Variants in PRCP observed in about 807,000 individuals in gnomAD.
PRCP encodes the protein prolylcarboxypeptidase.
In PRCP, 46 loss-of-function variants were observed where a neutral mutation model predicts 54.2. The ratio of observed to expected loss-of-function variants is 0.85; its 90% CI spans 0.67 to 1.09. The LOEUF (loss-of-function observed/expected upper bound fraction) is 1.09, where lower values mean the gene tolerates loss of function less well. Ranked by LOEUF, PRCP falls within the 50% of genes least tolerant of loss-of-function variation. The pLI is 0.00. For missense variants in PRCP, 613 were observed against 596.8 expected (o/e 1.03, Z -0.28); for synonymous variants, 240 against 212.2 (o/e 1.13, Z -1.14).
intron 1 of PRCP, among the ~76,000 whole-genome samples, chr11:82,897,042 G>A (rs1468425861): frequency 6.6e-6 from 1 of 152,176 alleles, no homozygotes; most frequent in African/African-American, 2.4e-5. Context: ...GAGGTACAAG[G>A]TAATAAGCAT....
intron 1 of PRCP, among the ~76,000 whole-genome samples, chr11:82,866,376 C>T (rs1859335805): frequency 6.6e-6 from 1 of 152,168 alleles, no homozygotes; most frequent in Non-Finnish European, 1.5e-5. Context: ...TGGAAGTCCT[C>T]TCAGAGATAT....
rs750770112 is a variant in PRCP at position 82,853,217 on chromosome 11, T to C, written c.371A>G (p.Tyr124Cys). The C allele has an allele frequency of 2.5e-6, 4 of 1,612,862 alleles. No homozygotes were observed. The highest frequency in any genetic ancestry group is 1.6e-4 in the Middle Eastern group (1 of 6,078). Residue 124 changes from tyrosine (Y) to cysteine (C), a missense_variant, in exon 3 of 9, where the codon TAC becomes TGC. Transcript: ENST00000313010. ...ACCAAAGGGGAGAGACTCTCCATAG[T>C]ATCGATGTTCAGCAAACACCAACAT... ...KAMLVFAEHR[Y>C]YGESLPFGDN...
chr11:82,888,984 T>C (rs1485622287), intron 1 of PRCP, among the ~76,000 whole-genome samples: 1 of 152,166 alleles, frequency 6.6e-6, no homozygotes, highest in Non-Finnish European at 1.5e-5. Context: ...TAAAAGATTA[T>C]ATATAACACA....
At chr11:82,877,000 T>G (rs929475975) in intron 1 of PRCP, among the ~76,000 whole-genome samples, 2 of 152,294 alleles carry the variant, frequency 1.3e-5, no homozygotes, top group Admixed American at 1.3e-4. Context: ...GATAGTGATA[T>G]GAACAACAAG....
chr11:82,827,249 A>C (rs900728742), intron 8 of PRCP: 1 of 152,178 alleles, frequency 6.6e-6, no homozygotes, highest in Admixed American at 6.5e-5. Context: ...CATTTGCAGC[A>C]CAAGTTTTTC....
At chr11:82,832,684 G>C (rs542364052) in intron 8 of PRCP, among the ~76,000 whole-genome samples, 2 of 152,226 alleles carry the variant, frequency 1.3e-5, no homozygotes, top group East Asian at 3.9e-4. Context: ...AATTTATTTT[G>C]CTGTGCAGAA....
Position 82,825,055 on chromosome 11 carries a change from C to A in PRCP, c.1342G>T (p.Val448Phe), listed in dbSNP as rs1358193893. ...TKDITDTLVA[V>F]TISEGAHHLD... ...TGGTGGGCCCCCTCTGAGATGGTGA[C>A]TGCAACCAGAGTGTCTGTGATATCC... The change falls in exon 9 of 9, where the codon GTC becomes TTC. Residue 448 changes from valine to phenylalanine, a missense_variant. Physicochemically the swap from Val to Phe is conservative, Grantham distance 50. Coordinates refer to ENST00000313010, the MANE Select transcript of PRCP (RefSeq NM_005040.4). 25 of 1,613,952 alleles carry A rather than the reference C, an allele frequency of 1.5e-5. No homozygotes were observed. Among genetic ancestry groups the A allele is most frequent in the Non-Finnish European group, 2.0e-5 (24 of 1,179,996 alleles).
chr11:82,885,404 G>A (rs1591071082), intron 1 of PRCP, among the ~76,000 whole-genome samples: 1 of 151,932 alleles, frequency 6.6e-6, no homozygotes, highest in East Asian at 1.9e-4. Context: ...ACATCTCAAG[G>A]GACTATTTAT....
Position 82,893,408 on chromosome 11 carries a change from T to C in PRCP, c.168+6827A>G, listed in dbSNP as rs187634612. Among the ~76,000 whole-genome samples, 87 of 152,382 alleles carry C rather than the reference T, an allele frequency of 5.7e-4. 1 individual carries two copies. In the East Asian group the frequency reaches 0.014, roughly 24 times the overall value. ...AAGCTAATGGCATTCATTTCAGCAC[T>C]AGAAATTAATCAGAGTTTAATTTCA... On this transcript the variant is annotated intron_variant, in intron 1 of 8. Coordinates refer to ENST00000313010, the MANE Select transcript of PRCP (RefSeq NM_005040.4).
At chr11:82,865,268 C>T (rs1054926639) in intron 1 of PRCP, among the ~76,000 whole-genome samples, 3 of 152,202 alleles carry the variant, frequency 2.0e-5, no homozygotes, top group Non-Finnish European at 4.4e-5. Context: ...ATAACACGCT[C>T]ATGCAGATAA....
rs375801953 is a variant in PRCP at position 82,871,324 on chromosome 11, G to A, written c.169-11207C>T. ...CCTCTGAGTAGCTGCGACTATGGGC[G>A]TGCCCCACCATTCCCTGCTACTTTT... On this transcript the variant is annotated intron_variant, in intron 1 of 8. Transcript: ENST00000313010. Among the ~76,000 whole-genome samples the A allele has an allele frequency of 5.1e-4, 77 of 151,890 alleles. 2 individuals carry two copies. The South Asian group carries it at 8.3e-3, about 16-fold the overall frequency.
At chr11:82,892,472 T>C (rs1860026906) in intron 1 of PRCP, among the ~76,000 whole-genome samples, 1 of 152,154 alleles carries the variant, frequency 6.6e-6, no homozygotes. Flanking sequence ...GTTAAATAGA[T>C]AATAAAAATT....
chr11:82,838,211 G>C (rs77352612), intron 8 of PRCP, among the ~76,000 whole-genome samples, 176 bp downstream of exon 8: 343 of 152,174 alleles, frequency 2.3e-3, no homozygotes, highest in African/African-American at 7.8e-3. Context: ...TGGTAATAGA[G>C]CAAAAAATCC....
intron 8 of PRCP, chr11:82,825,510 C>T (rs1858205543): frequency 5.0e-6 from 1 of 199,462 alleles, no homozygotes; most frequent in Non-Finnish European, 1.0e-5. Context: ...TGGCTCATGC[C>T]TGTAATCTTT....
rs1439189258 is a variant in PRCP, at chr11:82,853,265, T to G, written c.323A>C (p.Asp108Ala). The part of the protein sequence containing the change: ...WFCNNTGFMW[D>A]VAEELKAMLV... ...CATAGCTTTCAGTTCCTCAGCCACA[T>G]CCCACATGAACCCCTAAGAAGAGTT... The change falls in exon 3 of 9, where the codon GAT becomes GCT. Residue 108 changes from aspartate to alanine, a missense_variant. Transcript: ENST00000313010. The G allele has an allele frequency of 1.2e-6, 2 of 1,611,768 alleles. No homozygotes were observed. Among genetic ancestry groups the G allele is most frequent in the Middle Eastern group, 1.7e-4 (1 of 6,052 alleles).
In PRCP at chr11:82,824,670, G is replaced by A; in HGVS notation, c.*236C>T. On this transcript the variant is annotated 3_prime_UTR_variant, in exon 9 of 9. Transcript: ENST00000313010. ...TCCAGTTATGAGGGCCACTGATGGT[G>A]TGGGAGAGCTATCAAGAAGATTCTT... 1 of 500,480 alleles carries A rather than the reference G, an allele frequency of 2.0e-6. No individual in the cohort carries two copies. Among genetic ancestry groups the A allele is most frequent in the South Asian group, 2.2e-5 (1 of 46,424 alleles). 31.0% of individuals were successfully genotyped at this position (500,480 alleles called of 1,614,324 possible).
chr11:82,839,373 T>C lies in PRCP; in HGVS notation c.974A>G (p.Gln325Arg), dbSNP rs544139495. The C allele has an allele frequency of 6.2e-7, 1 of 1,613,830 alleles. No individual in the cohort carries two copies. Among genetic ancestry groups the C allele is most frequent in the South Asian group, 1.1e-5 (1 of 91,044 alleles). ...TACATTCAGAGCTTGGAAAATATTC[T>C]GCAGCAGCAGTGAATCAGATACATT... ...NPNVSDSLLL[Q>R]NIFQALNVYY... Residue 325 changes from glutamine to arginine, a missense_variant, in exon 7 of 9, where the codon CAG (glutamine) becomes CGG (arginine). By Grantham distance (43) the Gln-to-Arg change is conservative (BLOSUM62 1). Coordinates refer to ENST00000313010, the MANE Select transcript of PRCP (RefSeq NM_005040.4).
At chr11:82,828,680 A>C (rs935919078) in intron 8 of PRCP, 1 of 152,228 alleles carries the variant, frequency 6.6e-6, no homozygotes, top group Non-Finnish European at 1.5e-5. Flanking sequence ...TCATCAAAAA[A>C]TTTCTCAGCT....
intron 2 of PRCP, 23 bp from the exon 3 acceptor site, chr11:82,853,301 CA>C: frequency 6.3e-7 from 1 of 1,579,216 alleles, no homozygotes; most frequent in Non-Finnish European, 8.6e-7. Flanking sequence ...TACAAAATCA[CA>C]GGATAAAATC....
Sources: allele counts gnomAD v4.1 joint callset (sites outside exome capture counted in the v4.1 genomes callset), GRCh38; gene constraint gnomAD v4.1.1; transcripts MANE v1.5; gene names NCBI Gene and HGNC (gene_info 2026-07-23, HGNC 2026-07-21).